KIF5C: variants seen among roughly 807,000 people sequenced by gnomAD.
KIF5C encodes kinesin family member 5C.
In KIF5C, 18 loss-of-function variants were observed where a neutral mutation model predicts 125.2. The observed-to-expected ratio is 0.14, with a 90% CI of 0.10 to 0.21. The LOEUF (loss-of-function observed/expected upper bound fraction) is 0.21, where lower values mean the gene tolerates loss of function less well. Among genes scored for constraint, KIF5C ranks in the 10% least tolerant of loss-of-function variants. The probability of loss-of-function intolerance (pLI) is 1.00; values close to 1 mark genes in which losing one functional copy is unlikely to be tolerated. For synonymous variants in KIF5C, 405 were observed against 434.0 expected (o/e 0.93, Z 0.83); for missense variants, 780 against 1,183.8 (o/e 0.66, Z 5.01).
At chr2:148,902,048 G>A (rs750354511) in intron 1 of KIF5C, among the ~76,000 whole-genome samples, 2 of 152,196 alleles carry the variant, frequency 1.3e-5, no homozygotes, top group African/African-American at 2.4e-5. Context: ...CCTCTTCACC[G>A]GGTTTGCTGC....
chr2:148,947,127 C>G (rs1408374736), intron 8 of KIF5C, 104 bp downstream of exon 8: 2 of 1,437,766 alleles, frequency 1.4e-6, no homozygotes, highest in Admixed American at 5.6e-5. Context: ...CTTTAAAGAG[C>G]TTTTAAAGTT....
At chr2:148,880,786 T>C (rs1202787518) in intron 1 of KIF5C, among the ~76,000 whole-genome samples, 1 of 152,132 alleles carries the variant, frequency 6.6e-6, no homozygotes, top group Non-Finnish European at 1.5e-5. Flanking sequence ...ACATGTACCC[T>C]GTGAAATCAT....
At chr2:148,895,876 C>CACACACACACA (rs1558876307) in intron 1 of KIF5C, among the ~76,000 whole-genome samples, 26 of 27,152 alleles carry the variant, frequency 9.6e-4, no homozygotes, top group African/African-American at 1.8e-3. Flanking sequence ...ACACACACAC[C>CACACACACACA]CACAGAGATC....
chr2:148,970,596 G>A (rs1028359306), intron 11 of KIF5C, among the ~76,000 whole-genome samples: 7 of 152,218 alleles, frequency 4.6e-5, no homozygotes, highest in African/African-American at 1.4e-4. Context: ...CTTTCACAGT[G>A]CCTTACAGCA....
chr2:148,910,812 T>C (rs1247060959), intron 1 of KIF5C, among the ~76,000 whole-genome samples: 1 of 152,220 alleles, frequency 6.6e-6, no homozygotes, highest in Non-Finnish European at 1.5e-5. Context: ...AAGGCCCTTG[T>C]ACAAGTCTAG....
chr2:148,918,483 T>C (rs531846516), intron 1 of KIF5C, among the ~76,000 whole-genome samples: 13 of 152,200 alleles, frequency 8.5e-5, no homozygotes, highest in Non-Finnish European at 1.3e-4. Flanking sequence ...TAGAGAGTGA[T>C]ACCTGGGTGG....
At chr2:148,940,959 AG>A (rs1682394882) in intron 4 of KIF5C, among the ~76,000 whole-genome samples, 1 of 152,190 alleles carries the variant, frequency 6.6e-6, no homozygotes, top group Non-Finnish European at 1.5e-5. Context: ...GGACTGTAGT[AG>A]GGTTCAGGGT....
At chr2:148,980,721 A>ATTTATTG (rs1681210880) in intron 13 of KIF5C, among the ~76,000 whole-genome samples, 1 of 137,544 alleles carries the variant, frequency 7.3e-6, no homozygotes, top group African/African-American at 2.8e-5. Flanking sequence ...TTTATTTATT[A>ATTTATTG]TTTAGACGAA....
intron 12 of KIF5C, among the ~76,000 whole-genome samples, chr2:148,975,413 G>T (rs1681033285): frequency 6.6e-6 from 1 of 152,180 alleles, no homozygotes; most frequent in African/African-American, 2.4e-5. Context: ...AGAACAGGAG[G>T]TATTTAGGTT....
intron 1 of KIF5C, among the ~76,000 whole-genome samples, chr2:148,920,154 A>T (rs1459118730): frequency 6.6e-6 from 1 of 152,140 alleles, no homozygotes; most frequent in African/African-American, 2.4e-5. Flanking sequence ...TGCTGTATTA[A>T]GTGTATTTTC....
At chr2:148,952,423 CAGTT>C (rs1387818378) in intron 10 of KIF5C, among the ~76,000 whole-genome samples, 3 of 152,280 alleles carry the variant, frequency 2.0e-5, no homozygotes, top group Non-Finnish European at 2.9e-5. Context: ...TTTTGAATAT[CAGTT>C]AGTGTCTAAT....
chr2:148,886,154 C>T (rs1176703270), intron 1 of KIF5C: 2 of 152,204 alleles, frequency 1.3e-5, no homozygotes, highest in Non-Finnish European at 2.9e-5. Flanking sequence ...GTCCCATAGT[C>T]AGGGACAAAT....
intron 11 of KIF5C, 142 bp downstream of exon 11, chr2:148,962,261 G>T: frequency 3.2e-6 from 4 of 1,246,160 alleles, no homozygotes; most frequent in Non-Finnish European, 4.3e-6. Flanking sequence ...TGCCTCCAGG[G>T]TTCAAGCCAT....
chr2:148,929,270 C>T lies in KIF5C; in HGVS notation c.218-11C>T. ...AATGAGTTAATTTTAATTTCTTTTT[C>T]TTGTTCACAGATGTCCTTGAAGGTT... On this transcript the variant is annotated splice_polypyrimidine_tract_variant and intron_variant, in intron 2 of 25. Transcript: ENST00000435030. The T allele has an allele frequency of 6.6e-7, 1 of 1,520,194 alleles. No homozygotes were observed. The highest frequency in any genetic ancestry group is 8.8e-7 in the Non-Finnish European group (1 of 1,132,590). The allele number at this position is 1,520,194 out of a possible 1,614,324, so 94.2% of individuals were successfully genotyped here. A position where few individuals can be genotyped will look rare whatever the true frequency, so the allele number is the denominator to read the frequency against.
intron 12 of KIF5C, among the ~76,000 whole-genome samples, chr2:148,975,436 TA>T (rs1681033844): frequency 6.6e-6 from 1 of 152,196 alleles, no homozygotes; most frequent in East Asian, 1.9e-4. Flanking sequence ...GGTGAGGCAC[TA>T]GCCCAGGGTG....
chr2:148,891,889 G>T (rs761613842), intron 1 of KIF5C, among the ~76,000 whole-genome samples: 4 of 151,962 alleles, frequency 2.6e-5, no homozygotes, highest in Non-Finnish European at 5.9e-5. Flanking sequence ...GTAGAGGTGG[G>T]GTTTCACCAT....
intron 1 of KIF5C, among the ~76,000 whole-genome samples, chr2:148,893,838 G>A (rs570513387): frequency 5.3e-5 from 8 of 152,084 alleles, no homozygotes; most frequent in African/African-American, 9.6e-5. Context: ...TCCCATTATC[G>A]CTTCCACCTG....
At chr2:148,896,036 T>C (rs1681830060) in intron 1 of KIF5C, among the ~76,000 whole-genome samples, 1 of 152,164 alleles carries the variant, frequency 6.6e-6, no homozygotes, top group Non-Finnish European at 1.5e-5. Context: ...TAACCTCCAA[T>C]GTGGGGCTTC....
chr2:148,976,228 G>A (rs1681063133), intron 12 of KIF5C, among the ~76,000 whole-genome samples: 1 of 148,018 alleles, frequency 6.8e-6, no homozygotes, highest in African/African-American at 2.5e-5. Flanking sequence ...ATTTATAAGG[G>A]TGTGCATATT....
Sources: allele counts gnomAD v4.1 joint callset (sites outside exome capture counted in the v4.1 genomes callset), GRCh38; gene constraint gnomAD v4.1.1; transcripts MANE v1.5; gene names NCBI Gene and HGNC (gene_info 2026-07-23, HGNC 2026-07-21).